DMD: variants seen among roughly 807,000 people sequenced by gnomAD.
DMD encodes dystrophin.
In DMD, 63 loss-of-function variants were observed where a neutral mutation model predicts 330.1. The observed-to-expected ratio is 0.19, with a 90% CI of 0.16 to 0.24. The LOEUF is 0.24. DMD is among the 10% of genes least tolerant of loss of function. DMD has a pLI of 1.00. For missense variants in DMD, 3,344 were observed against 2,684.1 expected (o/e 1.25, Z -5.43); for synonymous variants, 1,223 against 959.8 (o/e 1.27, Z -5.07).
intron 1 of DMD, among the ~76,000 whole-genome samples, chrX:33,126,972 G>A (rs1434825618): frequency 9.0e-6 from 1 of 111,556 alleles, no homozygotes; most frequent in Non-Finnish European, 1.9e-5. Context: ...TAGTAAAACA[G>A]CAATCTGTAA....
intron 51 of DMD, among the ~76,000 whole-genome samples, chrX:31,756,656 T>G (rs989230474): frequency 1.8e-5 from 2 of 112,674 alleles, no homozygotes; most frequent in African/African-American, 6.4e-5. Flanking sequence ...ATTAGAAATA[T>G]TGAATATGAT....
chrX:32,798,027 C>A (rs2076297898), intron 7 of DMD, among the ~76,000 whole-genome samples: 1 of 111,264 alleles, frequency 9.0e-6, no homozygotes, highest in Non-Finnish European at 1.9e-5. Flanking sequence ...CAAATCAGCC[C>A]CTAGGGGAGA....
At chrX:31,726,771 C>T (rs1437806761) in intron 52 of DMD, among the ~76,000 whole-genome samples, 1 of 111,836 alleles carries the variant, frequency 8.9e-6, no homozygotes, top group Non-Finnish European at 1.9e-5. Context: ...AACTAAGATT[C>T]CAGCTTAGAC....
intron 2 of DMD, among the ~76,000 whole-genome samples, chrX:32,889,933 G>C (rs905425599): frequency 4.5e-5 from 5 of 111,212 alleles, no homozygotes; most frequent in African/African-American, 1.3e-4. Context: ...CCCAGAGAAA[G>C]GGGGGGCATC....
intron 55 of DMD, among the ~76,000 whole-genome samples, chrX:31,514,727 A>G (rs985686024): frequency 3.6e-5 from 4 of 112,633 alleles, no homozygotes; most frequent in Non-Finnish European, 5.6e-5. Flanking sequence ...CCATGTGGAA[A>G]TCAGATGTTA....
chrX:32,335,821 CAT>C (rs748812865), intron 41 of DMD, among the ~76,000 whole-genome samples: 38 of 104,012 alleles, frequency 3.7e-4, no homozygotes, highest in Non-Finnish European at 5.3e-4. Context: ...ATATGTATAA[CAT>C]GTTATATATA....
In DMD at chrX:31,639,555, T is replaced by C. The variant is rs1456577442; in HGVS notation, c.8028-11693A>G. Among the ~76,000 whole-genome samples the C allele has an allele frequency of 2.7e-5, 3 of 112,038 alleles. No individual in the cohort carries two copies. In the Admixed American group the frequency reaches 2.8e-4, roughly 11 times the overall value. ...TTCAGCATTTTGGAAAATTACGCTATGGATGACCAATGCCCCTCATGGTAT... is the reference window on the plus strand; with the variant it reads ...TTCAGCATTTTGGAAAATTACGCTACGGATGACCAATGCCCCTCATGGTAT... On this transcript the variant is annotated intron_variant, in intron 54 of 78. Coordinates refer to ENST00000357033, the MANE Select transcript of DMD (RefSeq NM_004006.3).
At chrX:32,955,474 C>A (rs956065040) in intron 2 of DMD, among the ~76,000 whole-genome samples, 8 of 110,493 alleles carry the variant, frequency 7.2e-5, no homozygotes, top group African/African-American at 2.3e-4. Flanking sequence ...ACATTTTCTT[C>A]CATTCTGTAG....
At chrX:32,760,101 T>G (rs2072076348) in intron 7 of DMD, among the ~76,000 whole-genome samples, 1 of 108,974 alleles carries the variant, frequency 9.2e-6, no homozygotes, top group African/African-American at 3.4e-5. Context: ...ATTATTCTTC[T>G]TAAATGTCAC....
At chrX:31,448,295 G>A (rs2065441538) in intron 59 of DMD, among the ~76,000 whole-genome samples, 1 of 111,495 alleles carries the variant, frequency 9.0e-6, no homozygotes, top group African/African-American at 3.3e-5. Context: ...AAGGAGGCAG[G>A]AGAATGCTCA....
intron 16 of DMD, among the ~76,000 whole-genome samples, chrX:32,546,240 G>A (rs1012118618): frequency 8.5e-5 from 9 of 105,820 alleles, no homozygotes; most frequent in Admixed American, 2.1e-4. Context: ...CTCTCATGAC[G>A]ATTGTAACGT....
chrX:31,246,426 C>G (rs1603200863), intron 63 of DMD, among the ~76,000 whole-genome samples: 1 of 112,421 alleles, frequency 8.9e-6, no homozygotes, highest in Admixed American at 9.4e-5. Flanking sequence ...GTGGCTACAA[C>G]GAACAACAGA....
intron 15 of DMD, among the ~76,000 whole-genome samples, chrX:32,570,092 C>A (rs2052229425): frequency 9.0e-6 from 1 of 111,292 alleles, no homozygotes; most frequent in Non-Finnish European, 1.9e-5. Context: ...ATAATCCCCA[C>A]CTCCCACCTC....
intron 1 of DMD, among the ~76,000 whole-genome samples, chrX:33,076,240 G>T (rs941082405): frequency 1.8e-5 from 2 of 111,021 alleles, no homozygotes; most frequent in East Asian, 2.8e-4. Flanking sequence ...CCACCAAATT[G>T]TCCTTAAAAA....
intron 30 of DMD, among the ~76,000 whole-genome samples, chrX:32,394,876 T>G (rs774606426): frequency 1.5e-5 from 1 of 66,227 alleles, no homozygotes; most frequent in East Asian, 6.3e-4. Context: ...CTTTAACCTT[T>G]TATACCAGAG....
chrX:32,162,991 C>T (rs1455547926), intron 44 of DMD, among the ~76,000 whole-genome samples: 1 of 111,593 alleles, frequency 9.0e-6, no homozygotes, highest in African/African-American at 3.3e-5. Context: ...CCCTGAATCC[C>T]ATACTTTCAT....
intron 1 of DMD, among the ~76,000 whole-genome samples, chrX:33,288,082 T>G (rs2148927594): frequency 8.9e-6 from 1 of 111,967 alleles, no homozygotes; most frequent in African/African-American, 3.2e-5. Flanking sequence ...ATTCTAGGTT[T>G]AGTTTAAGGA....
chrX:31,815,123 G>T (rs182191047), intron 50 of DMD, among the ~76,000 whole-genome samples: 16 of 112,078 alleles, frequency 1.4e-4, no homozygotes, highest in African/African-American at 4.9e-4. Flanking sequence ...CAAAGCATAG[G>T]CCAGCATCAG....
At chrX:32,745,062 G>C (rs948139746) in intron 7 of DMD, among the ~76,000 whole-genome samples, 7 of 111,793 alleles carry the variant, frequency 6.3e-5, no homozygotes, top group African/African-American at 2.0e-4. Flanking sequence ...TGTTATTGCA[G>C]ACTAACAACC....
Sources: gnomAD v4.1 joint callset for allele counts (sites outside exome capture counted in the v4.1 genomes callset) on GRCh38, gnomAD v4.1.1 for gene constraint, MANE v1.5 for transcripts, NCBI Gene and HGNC (gene_info 2026-07-23, HGNC 2026-07-21) for gene names.